ATP2B2: variants seen among roughly 807,000 people sequenced by gnomAD.
The protein encoded by ATP2B2 is ATPase plasma membrane Ca2+ transporting 2, also known as plasma membrane calcium-transporting ATPase 2.
ATP2B2 carries 15 observed loss-of-function variants against 120.0 expected under a neutral mutation model. The ratio of observed to expected loss-of-function variants is 0.12; its 90% CI spans 0.08 to 0.19. ATP2B2 has a LOEUF of 0.19. Ranked by LOEUF, ATP2B2 falls within the 10% of genes least tolerant of loss-of-function variation. The probability of loss-of-function intolerance (pLI) is 1.00; values close to 1 mark genes in which losing one functional copy is unlikely to be tolerated. For synonymous variants in ATP2B2, 694 were observed against 700.3 expected, an observed-to-expected ratio of 0.99 and a Z score of 0.14; for missense variants, 1,045 against 1,719.8, an observed-to-expected ratio of 0.61 and a Z score of 6.94.
intron 11 of ATP2B2, among the ~76,000 whole-genome samples, chr3:10,372,501 C>G (rs986248943): frequency 1.5e-4 from 23 of 151,840 alleles, no homozygotes; most frequent in African/African-American, 5.6e-4. Flanking sequence ...TTAATTTTAC[C>G]AAAAGTAAAT....
chr3:10,450,900 G>A (rs542950887), intron 1 of ATP2B2, among the ~76,000 whole-genome samples: 422 of 152,284 alleles, frequency 2.8e-3, no homozygotes, highest in Non-Finnish European at 4.9e-3. Flanking sequence ...AGCTGAGCTC[G>A]GTTGGGTCTG....
At chr3:10,559,575 T>C (rs1456214151) in intron 2 of ATP2B2, among the ~76,000 whole-genome samples, 2 of 152,036 alleles carry the variant, frequency 1.3e-5, no homozygotes, top group East Asian at 3.8e-4. Context: ...TCTTTAGGCC[T>C]ATTTTACAGA....
chr3:10,531,340 G>T (rs2067206432), intron 3 of ATP2B2, among the ~76,000 whole-genome samples: 1 of 152,202 alleles, frequency 6.6e-6, no homozygotes. Context: ...CCCAGCAGAT[G>T]CTACTTCTTC....
At chr3:10,583,711 G>A (rs985768321) in intron 2 of ATP2B2, among the ~76,000 whole-genome samples, 1 of 152,162 alleles carries the variant, frequency 6.6e-6, no homozygotes, top group Non-Finnish European at 1.5e-5. Context: ...GGAAAGTGAG[G>A]CCTTAGGATG....
chr3:10,402,029 G>T lies in ATP2B2; in HGVS notation c.655+62C>A. The T allele has an allele frequency of 6.2e-7, 1 of 1,605,238 alleles. No individual in the cohort carries two copies. Among genetic ancestry groups the T allele is most frequent in the Non-Finnish European group, 8.5e-7 (1 of 1,179,656 alleles). ...TGAGCCAATCTCTTTGCATCAGCCT[G>T]GCCTGTCCCACCTCTGCCGGAATCC... On this transcript the variant is annotated intron_variant, in intron 4 of 22. Coordinates refer to ENST00000360273, the MANE Select transcript of ATP2B2 (RefSeq NM_001001331.4). The surrounding 1 kb of genome is among the most constrained non-coding windows in gnomAD (Gnocchi z 4.9).
At chr3:10,434,888 C>T (rs1047775788) in intron 2 of ATP2B2, among the ~76,000 whole-genome samples, 6 of 152,238 alleles carry the variant, frequency 3.9e-5, no homozygotes, top group Non-Finnish European at 5.9e-5. Flanking sequence ...CAGGTATCTT[C>T]CTGGCCCCTC....
intron 5 of ATP2B2, among the ~76,000 whole-genome samples, chr3:10,392,957 G>A (rs1258553943): frequency 6.6e-6 from 1 of 152,242 alleles, no homozygotes; most frequent in African/African-American, 2.4e-5. Flanking sequence ...GGAGAGGCCG[G>A]CAGAGGCCCG....
intron 2 of ATP2B2, among the ~76,000 whole-genome samples, chr3:10,435,878 A>G (rs1396010919): frequency 6.6e-6 from 1 of 152,248 alleles, no homozygotes; most frequent in African/African-American, 2.4e-5. Context: ...TTATAAAAGA[A>G]AAAACTACAG....
intron 3 of ATP2B2, among the ~76,000 whole-genome samples, chr3:10,405,886 T>C (rs897678640): frequency 1.3e-5 from 2 of 152,150 alleles, no homozygotes; most frequent in Admixed American, 1.3e-4. Context: ...ACTCTGGCAC[T>C]GGGGGAGCTG....
chr3:10,614,076 CT>C (rs993252303), intron 2 of ATP2B2, among the ~76,000 whole-genome samples: 4 of 151,958 alleles, frequency 2.6e-5, no homozygotes, highest in African/African-American at 9.7e-5. Flanking sequence ...AAAGTAGCCC[CT>C]CCCCCTCTCT....
intron 5 of ATP2B2, among the ~76,000 whole-genome samples, chr3:10,392,577 T>C (rs557678586): frequency 6.6e-6 from 1 of 152,338 alleles, no homozygotes; most frequent in South Asian, 2.1e-4. Context: ...TGGGAACCTC[T>C]TGGGGATGGA....
chr3:10,491,488 T>C (rs1575397765), intron 1 of ATP2B2, among the ~76,000 whole-genome samples: 1 of 152,122 alleles, frequency 6.6e-6, no homozygotes, highest in Non-Finnish European at 1.5e-5. Flanking sequence ...GGCCTCCCAA[T>C]GTGCTGGGAT....
chr3:10,556,464 G>A (rs1457890205), intron 2 of ATP2B2, among the ~76,000 whole-genome samples: 1 of 152,230 alleles, frequency 6.6e-6, no homozygotes, highest in Non-Finnish European at 1.5e-5. Context: ...CCGTTGTGAA[G>A]CACAAGGCAG....
chr3:10,643,608 A>T (rs921751420), intron 1 of ATP2B2, among the ~76,000 whole-genome samples: 1 of 152,246 alleles, frequency 6.6e-6, no homozygotes, highest in Non-Finnish European at 1.5e-5. Flanking sequence ...CCAGCTAAGA[A>T]CACGTAACTG....
chr3:10,413,304 TC>T (rs2062675169), intron 2 of ATP2B2, among the ~76,000 whole-genome samples: 1 of 152,208 alleles, frequency 6.6e-6, no homozygotes, highest in Non-Finnish European at 1.5e-5. Flanking sequence ...GAGATCTCCA[TC>T]AGGAGCCTCC....
chr3:10,326,892 T>A lies in ATP2B2; in HGVS notation c.*1922A>T. On this transcript the variant is annotated 3_prime_UTR_variant, in exon 23 of 23. Coordinates refer to ENST00000360273, the MANE Select transcript of ATP2B2 (RefSeq NM_001001331.4). Reference sequence around the variant, plus strand: ...GCTCTCATCTTGTTTGTGGAAGAGTTCTCTGGGCCTGGAGAAGGGAAGGGG... The same window carrying A: ...GCTCTCATCTTGTTTGTGGAAGAGTACTCTGGGCCTGGAGAAGGGAAGGGG... 1 of 398,842 alleles carries A rather than the reference T, an allele frequency of 2.5e-6. No homozygotes were observed. Among genetic ancestry groups the A allele is most frequent in the Non-Finnish European group, 4.4e-6 (1 of 225,992 alleles). 24.7% of individuals were successfully genotyped at this position (398,842 alleles called of 1,614,324 possible). A position where few individuals can be genotyped will look rare whatever the true frequency, so the allele number is the denominator to read the frequency against.
chr3:10,436,266 T>G (rs1559335639), intron 2 of ATP2B2, among the ~76,000 whole-genome samples: 1 of 152,240 alleles, frequency 6.6e-6, no homozygotes, highest in Admixed American at 6.5e-5. Flanking sequence ...TACCCCAAAC[T>G]TATCACCTCC....
chr3:10,557,088 C>T (rs1575493420), intron 2 of ATP2B2, among the ~76,000 whole-genome samples: 1 of 152,158 alleles, frequency 6.6e-6, no homozygotes, highest in African/African-American at 2.4e-5. Context: ...GAAGTGGTTC[C>T]CTTCTCCCTC....
rs1215845724 is a variant in ATP2B2, at chr3:10,358,756, T to A, written c.2071A>T (p.Asn691Tyr). The A allele has an allele frequency of 6.2e-7, 1 of 1,614,052 alleles. No individual in the cohort carries two copies. Among genetic ancestry groups the A allele is most frequent in the Non-Finnish European group, 8.5e-7 (1 of 1,180,042 alleles). ...CAGGTGAGTTCGTTGAGGATGTCAT[T>A]CTCATTGTCCCAGTCCGGCTCCGGG... ...SSPEPDWDNENDILNELTCIC... is the reference protein window; with the variant it reads ...SSPEPDWDNEYDILNELTCIC... Residue 691 changes from asparagine (N) to tyrosine (Y), a missense_variant, in exon 14 of 23, where the codon AAT (asparagine) becomes TAT (tyrosine). Coordinates refer to ENST00000360273, the MANE Select transcript of ATP2B2 (RefSeq NM_001001331.4).
Sources: allele counts gnomAD v4.1 joint callset (sites outside exome capture counted in the v4.1 genomes callset), GRCh38; gene constraint gnomAD v4.1.1; non-coding constraint Gnocchi (gnomAD v3.1); transcripts MANE v1.5; gene names NCBI Gene and HGNC (gene_info 2026-07-23, HGNC 2026-07-21).